Variants in PRKX observed in about 807,000 individuals in gnomAD.
PRKX encodes protein kinase cAMP-dependent X-linked catalytic subunit.
A neutral mutation model predicts 22.0 loss-of-function variants in PRKX; 12 were observed. The observed-to-expected ratio is 0.54, with a 90% confidence interval of 0.35 to 0.88. The LOEUF (loss-of-function observed/expected upper bound fraction) is 0.88, where lower values mean the gene tolerates loss of function less well. Ranked by LOEUF, PRKX falls within the 40% of genes least tolerant of loss-of-function variation. The pLI is 0.01. For missense variants in PRKX, 217 were observed against 308.0 expected, an observed-to-expected ratio of 0.70 and a Z score of 2.21; for synonymous variants, 134 against 137.7, an observed-to-expected ratio of 0.97 and a Z score of 0.19.
chrX:3,695,605 T>C (rs1231019616), intron 1 of PRKX, among the ~76,000 whole-genome samples: 1 of 110,874 alleles, frequency 9.0e-6, no homozygotes, highest in Non-Finnish European at 1.9e-5. Context: ...AGAGATAGGG[T>C]CTCCCTATGT....
intron 2 of PRKX, among the ~76,000 whole-genome samples, chrX:3,662,049 T>C (rs927218610): frequency 8.9e-6 from 1 of 111,877 alleles, no homozygotes; most frequent in African/African-American, 3.3e-5. Context: ...AAGGGCCCCT[T>C]ATGTGCCAAG....
At chrX:3,697,315 A>G (rs1298106489) in intron 1 of PRKX, among the ~76,000 whole-genome samples, 1 of 111,152 alleles carries the variant, frequency 9.0e-6, no homozygotes. Flanking sequence ...GCAGTCAGCT[A>G]TGATTACGCC....
intron 6 of PRKX, among the ~76,000 whole-genome samples, chrX:3,620,492 C>T (rs1356786722): frequency 2.7e-5 from 3 of 112,257 alleles, no homozygotes; most frequent in African/African-American, 6.5e-5. Context: ...CCAAAATGGG[C>T]CGCACACCAG....
chrX:3,706,601 T>G (rs1352485345), intron 1 of PRKX, among the ~76,000 whole-genome samples: 1 of 112,307 alleles, frequency 8.9e-6, no homozygotes, highest in Non-Finnish European at 1.9e-5. Flanking sequence ...TTCTCATGCC[T>G]TCGCCCTCCT....
At chrX:3,637,688 T>A (rs191660650) in intron 4 of PRKX, among the ~76,000 whole-genome samples, 1 of 111,977 alleles carries the variant, frequency 8.9e-6, no homozygotes, top group African/African-American at 3.2e-5. Flanking sequence ...CCCTGCCTCA[T>A]GAAATGCACA....
intron 6 of PRKX, among the ~76,000 whole-genome samples, chrX:3,617,159 CAT>C (rs1473352346): frequency 1.3e-4 from 7 of 52,926 alleles, no homozygotes; most frequent in East Asian, 9.0e-4. Context: ...TACTTATATA[CAT>C]ACACGTTAAT....
In PRKX at chrX:3,660,818, A is replaced by C. The variant is rs190844464; in HGVS notation, c.336-5406T>G. Among the ~76,000 whole-genome samples, 8 of 111,066 alleles carry C rather than the reference A, an allele frequency of 7.2e-5. No homozygotes were observed. The East Asian group carries it at 2.0e-3, about 28-fold the overall frequency. ...GGCTTGCAGGGGAAGTTGCAATTTCAACCATGGGTAGGATGATCTGTAGAG... is the reference window on the plus strand; with the variant it reads ...GGCTTGCAGGGGAAGTTGCAATTTCCACCATGGGTAGGATGATCTGTAGAG... On this transcript the variant is annotated intron_variant, in intron 2 of 8. Coordinates refer to ENST00000262848, the MANE Select transcript of PRKX (RefSeq NM_005044.5).
At chrX:3,640,473 T>C (rs781516592) in intron 4 of PRKX, among the ~76,000 whole-genome samples, 1 of 112,135 alleles carries the variant, frequency 8.9e-6, no homozygotes, top group Non-Finnish European at 1.9e-5. Context: ...AAGTGTTGCG[T>C]GCTTCCTTTG....
intron 2 of PRKX, among the ~76,000 whole-genome samples, chrX:3,672,284 G>A (rs183836241): frequency 9.0e-6 from 1 of 111,173 alleles, no homozygotes; most frequent in Non-Finnish European, 1.9e-5. Flanking sequence ...AAGTCTCTAG[G>A]GCTTTATATA....
chrX:3,712,447 G>A (rs753356050), intron 1 of PRKX, among the ~76,000 whole-genome samples: 3 of 111,460 alleles, frequency 2.7e-5, no homozygotes, highest in South Asian at 3.8e-4. Context: ...AAAGACAGAG[G>A]ACAAAGGAAA....
intron 2 of PRKX, among the ~76,000 whole-genome samples, chrX:3,670,431 C>G (rs1927823537): frequency 1.8e-5 from 2 of 112,116 alleles, no homozygotes; most frequent in African/African-American, 6.5e-5. Flanking sequence ...ACAGAAAAAG[C>G]AAAATGCTAT....
intron 8 of PRKX, among the ~76,000 whole-genome samples, chrX:3,609,717 A>G (rs1206676919): frequency 9.0e-6 from 1 of 111,445 alleles, no homozygotes; most frequent in African/African-American, 3.3e-5. Context: ...CGGCCTCCCA[A>G]AGTGCCGGGA....
rs1384346025 is a variant in PRKX, at chrX:3,662,855, A to G, written c.336-7443T>C. Among the ~76,000 whole-genome samples the G allele has an allele frequency of 2.0e-4, 21 of 106,779 alleles. No individual in the cohort carries two copies. In the Admixed American group the frequency reaches 2.1e-3, roughly 11 times the overall value. 92.7% of individuals were successfully genotyped at this position (106,779 alleles called of 115,157 possible). A position where few individuals can be genotyped will look rare whatever the true frequency, so the allele number is the denominator to read the frequency against. On this transcript the variant is annotated intron_variant, in intron 2 of 8. Transcript: ENST00000262848. Reference sequence around the variant, plus strand: ...GACCCCCAAAATTTAAAAATCAGCCAGGCTTGGTGGTGCAGGCCTGTAGTC... The same window carrying G: ...GACCCCCAAAATTTAAAAATCAGCCGGGCTTGGTGGTGCAGGCCTGTAGTC...
intron 1 of PRKX, among the ~76,000 whole-genome samples, chrX:3,675,117 G>A (rs773861185): frequency 9.0e-6 from 1 of 111,710 alleles, no homozygotes; most frequent in South Asian, 3.8e-4. Context: ...ACACCCACAT[G>A]GAGAAGCATT....
In PRKX at chrX:3,613,886, G is replaced by A. The variant is rs749567839; in HGVS notation, c.952-1561C>T. Among the ~76,000 whole-genome samples, 45 of 75,936 alleles carry A rather than the reference G, an allele frequency of 5.9e-4. 2 individuals are homozygous for A. The highest frequency in any genetic ancestry group is 1.5e-3 in the African/African-American group (34 of 22,575). 65.9% of individuals were successfully genotyped at this position (75,936 alleles called of 115,157 possible). A position where few individuals can be genotyped will look rare whatever the true frequency, so the allele number is the denominator to read the frequency against. ...AAAAAAAAAAAAAAAAAAAAGAAGC[G>A]TATCATCCCAGGCTCCAGCCCCAGA... is the stretch of plus-strand genomic sequence containing the variant. On this transcript the variant is annotated intron_variant, in intron 7 of 8. Coordinates refer to ENST00000262848, the MANE Select transcript of PRKX (RefSeq NM_005044.5).
chrX:3,659,706 G>C (rs1927549294), intron 2 of PRKX, among the ~76,000 whole-genome samples: 1 of 90,710 alleles, frequency 1.1e-5, no homozygotes, highest in South Asian at 5.8e-4. Flanking sequence ...TGTTGGAGTG[G>C]TGTTTTTTTT....
At chrX:3,630,342 G>A (rs1281545376) in intron 4 of PRKX, among the ~76,000 whole-genome samples, 4 of 96,341 alleles carry the variant, frequency 4.2e-5, no homozygotes, top group African/African-American at 1.0e-4. Flanking sequence ...GGCGGATCAC[G>A]AGGTCAAGGA....
intron 4 of PRKX, among the ~76,000 whole-genome samples, chrX:3,632,025 A>T: frequency 8.9e-6 from 1 of 112,130 alleles, no homozygotes; most frequent in Non-Finnish European, 1.9e-5. Context: ...CAAAGAGGAG[A>T]AATATGAAGT....
intron 2 of PRKX, among the ~76,000 whole-genome samples, chrX:3,666,312 C>T (rs1265774169): frequency 1.5e-4 from 16 of 109,908 alleles, no homozygotes; most frequent in Admixed American, 1.9e-4. Flanking sequence ...CCCGCCACCA[C>T]GCCCAGCTAA....
Sources: gnomAD v4.1 joint callset for allele counts (sites outside exome capture counted in the v4.1 genomes callset) on GRCh38, gnomAD v4.1.1 for gene constraint, MANE v1.5 for transcripts, NCBI Gene and HGNC (gene_info 2026-07-23, HGNC 2026-07-21) for gene names.